Variants in MARK3 observed in about 807,000 individuals in gnomAD.
MARK3 encodes the protein MAP/microtubule affinity-regulating kinase 3.
Under a neutral mutation model 90.1 loss-of-function variants are expected in MARK3, and 46 were observed. The ratio of observed to expected loss-of-function variants is 0.51; its 90% CI spans 0.40 to 0.65. The LOEUF (loss-of-function observed/expected upper bound fraction) is 0.65. Among genes scored for constraint, MARK3 ranks in the 30% least tolerant of loss-of-function variants. The pLI is 0.00. For synonymous variants in MARK3, 321 were observed against 332.6 expected (o/e 0.97, Z 0.38); for missense variants, 818 against 947.2 (o/e 0.86, Z 1.79).
chr14:103,425,482 C>G (rs141031153), intron 2 of MARK3, among the ~76,000 whole-genome samples: 5 of 151,940 alleles, frequency 3.3e-5, no homozygotes. Flanking sequence ...AGGCTGGTCT[C>G]GAACTCCTGA....
At chr14:103,424,171 C>G (rs556646854) in intron 2 of MARK3, among the ~76,000 whole-genome samples, 4 of 151,952 alleles carry the variant, frequency 2.6e-5, no homozygotes, top group African/African-American at 9.7e-5. Flanking sequence ...GATCACGCCA[C>G]TGCACTCCAG....
intron 1 of MARK3, among the ~76,000 whole-genome samples, chr14:103,403,933 T>C (rs1249411374): frequency 1.3e-5 from 2 of 152,172 alleles, no homozygotes; most frequent in Non-Finnish European, 2.9e-5. Context: ...ACAGAAATTG[T>C]TGTTGAGATG....
Position 103,465,568 on chromosome 14 carries a change from A to G in MARK3, c.552A>G (p.Leu184=), listed in dbSNP as rs779861294. The G allele has an allele frequency of 6.2e-7, 1 of 1,611,838 alleles. No individual in the cohort carries two copies. The highest frequency in any genetic ancestry group is 1.1e-5 in the South Asian group (1 of 91,020). The change falls in exon 8 of 18, where the codon CTA becomes CTG. Residue 184 remains leucine, a synonymous_variant. Transcript: ENST00000429436. The stretch of plus-strand genomic sequence containing the variant: ...TGTTTTCCCTCTAGGCTGAAAATCT[A>G]TTGTTAGATGCCGATATGAACATTA... ...IVHRDLKAEN[L]LLDADMNIKI...
intron 3 of MARK3, among the ~76,000 whole-genome samples, chr14:103,437,778 G>A (rs1354329160): frequency 6.6e-6 from 1 of 152,172 alleles, no homozygotes; most frequent in East Asian, 1.9e-4. Context: ...ACAAACACAT[G>A]TCAGGAGTTT....
chr14:103,485,292 T>C (rs1391600860), intron 14 of MARK3, among the ~76,000 whole-genome samples: 2 of 146,236 alleles, frequency 1.4e-5, no homozygotes, highest in Non-Finnish European at 3.0e-5. Flanking sequence ...GGATGGAGTC[T>C]TGCAGTGTGG....
At chr14:103,434,518 G>C (rs1407229399) in intron 3 of MARK3, among the ~76,000 whole-genome samples, 1 of 152,212 alleles carries the variant, frequency 6.6e-6, no homozygotes, top group East Asian at 1.9e-4. Flanking sequence ...TATTATGACA[G>C]TCTTGGGAAA....
chr14:103,403,665 G>A (rs2140652494), intron 1 of MARK3, among the ~76,000 whole-genome samples: 1 of 152,292 alleles, frequency 6.6e-6, no homozygotes. Context: ...TGCAGTTGAT[G>A]TAATAATTTG....
At chr14:103,401,184 A>G (rs940397014) in intron 1 of MARK3, among the ~76,000 whole-genome samples, 1 of 152,142 alleles carries the variant, frequency 6.6e-6, no homozygotes, top group Admixed American at 6.5e-5. Flanking sequence ...AGCAAAAGAC[A>G]ATTTAATTTG....
chr14:103,467,045 A>G, intron 10 of MARK3, 34 bp from the exon 11 acceptor site: 2 of 1,032,980 alleles, frequency 1.9e-6, no homozygotes, highest in Non-Finnish European at 2.8e-6. Flanking sequence ...TTACCCAAAC[A>G]AAACACATAA....
At chr14:103,394,339 G>T (rs1286109097) in intron 1 of MARK3, among the ~76,000 whole-genome samples, 1 of 152,182 alleles carries the variant, frequency 6.6e-6, no homozygotes, top group Non-Finnish European at 1.5e-5. Flanking sequence ...GAGTTGGTCT[G>T]CAAAAGTAAT....
intron 2 of MARK3, among the ~76,000 whole-genome samples, chr14:103,406,835 G>GT (rs1445076213): frequency 5.3e-5 from 8 of 150,020 alleles, no homozygotes; most frequent in Admixed American, 1.3e-4. Flanking sequence ...TTTTGTTTTT[G>GT]TTTTTGTTTT....
chr14:103,416,900 T>C (rs1383941016), intron 2 of MARK3, among the ~76,000 whole-genome samples: 1 of 152,192 alleles, frequency 6.6e-6, no homozygotes, highest in East Asian at 1.9e-4. Context: ...AACTGTTTTT[T>C]CAGTAAAATG....
intron 6 of MARK3, 144 bp from the exon 7 acceptor site, chr14:103,462,261 G>A: frequency 1.9e-6 from 1 of 540,046 alleles, no homozygotes; most frequent in East Asian, 2.9e-5. Flanking sequence ...AAAGTTCAAG[G>A]CATAGGAAAA....
At chr14:103,386,271 G>T in intron 1 of MARK3, 191 bp downstream of exon 1, 1 of 711,286 alleles carries the variant, frequency 1.4e-6, no homozygotes. Flanking sequence ...TTCGCGGGCG[G>T]GTCTGCGAAG....
intron 17 of MARK3, among the ~76,000 whole-genome samples, 171 bp from the exon 18 acceptor site, chr14:103,502,711 G>T (rs376727112): frequency 3.7e-4 from 56 of 152,276 alleles, no homozygotes; most frequent in African/African-American, 1.3e-3. Flanking sequence ...AGGGGGTGAG[G>T]GAAGAAAATA....
intron 3 of MARK3, 116 bp from the exon 4 acceptor site, chr14:103,448,803 T>C (rs745776558): frequency 1.8e-5 from 18 of 1,004,564 alleles, no homozygotes; most frequent in Non-Finnish European, 2.6e-5. Flanking sequence ...TTAATAAACA[T>C]TAGCAATGAA....
chr14:103,486,417 C>A (rs906552043), intron 14 of MARK3, among the ~76,000 whole-genome samples: 10 of 151,934 alleles, frequency 6.6e-5, no homozygotes, highest in Admixed American at 6.6e-4. Flanking sequence ...CCAGCCTGGA[C>A]GGTAGAGCCA....
intron 12 of MARK3, chr14:103,469,394 C>G (rs374888691): frequency 6.6e-6 from 1 of 152,090 alleles, no homozygotes; most frequent in Non-Finnish European, 1.5e-5. Context: ...ATTGGCTAGG[C>G]TGGTCTTGAA....
intron 3 of MARK3, among the ~76,000 whole-genome samples, chr14:103,442,957 C>A (rs941538179): frequency 6.7e-5 from 10 of 149,288 alleles, no homozygotes; most frequent in Middle Eastern, 3.3e-3. Flanking sequence ...CCCCCTCCCA[C>A]CGACAAGGAA....
Sources: allele counts gnomAD v4.1 joint callset (sites outside exome capture counted in the v4.1 genomes callset), GRCh38; gene constraint gnomAD v4.1.1; transcripts MANE v1.5; gene names NCBI Gene and HGNC (gene_info 2026-07-23, HGNC 2026-07-21).